Variants in FGF12 observed in about 807,000 individuals in gnomAD.
FGF12 encodes the protein fibroblast growth factor 12.
FGF12 carries 14 observed loss-of-function variants against 23.6 expected under a neutral mutation model. That is an observed-to-expected ratio of 0.59 (90% CI 0.39 to 0.93). The LOEUF (loss-of-function observed/expected upper bound fraction) is 0.93, where lower values mean the gene tolerates loss of function less well. Among genes scored for constraint, FGF12 ranks in the 40% least tolerant of loss-of-function variants. The probability of loss-of-function intolerance (pLI) is 0.00; values close to 1 mark genes in which losing one functional copy is unlikely to be tolerated. For missense variants in FGF12, 175 were observed against 217.8 expected (o/e 0.80, Z 1.24); for synonymous variants, 62 against 77.3 (o/e 0.80, Z 1.04).
chr3:192,235,672 G>A (rs905801939), intron 4 of FGF12, among the ~76,000 whole-genome samples: 8 of 152,038 alleles, frequency 5.3e-5, no homozygotes, highest in African/African-American at 9.7e-5. Context: ...AATAGTCTCC[G>A]GGGAATTTTT....
intron 4 of FGF12, among the ~76,000 whole-genome samples, chr3:192,242,420 G>T (rs1719667452): frequency 3.3e-5 from 5 of 152,024 alleles, no homozygotes; most frequent in Admixed American, 3.3e-4. Flanking sequence ...TTCCCCTTGG[G>T]GGTATCAAAA....
At position 192,514,902 on chromosome 3, in the gene FGF12, AGCCCGGGCGCCGGCAGGGG is replaced by A. The variant is rs1327410212; in HGVS notation, c.14-154383_14-154365del. The A allele has an allele frequency of 2.0e-6, 2 of 984,078 alleles. No individual in the cohort carries two copies. The highest frequency in any genetic ancestry group is 2.4e-6 in the Non-Finnish European group (2 of 829,262). 61.0% of individuals were successfully genotyped at this position (984,078 alleles called of 1,614,324 possible). A position where few individuals can be genotyped will look rare whatever the true frequency, so the allele number is the denominator to read the frequency against. ...GGAGTTTGCACATGGAGCCGGAGGG[AGCCCGGGCGCCGGCAGGGG>A]GCGGGCCGGGACGCGGAAGTGCCGG... On this transcript the variant is annotated intron_variant, in intron 2 of 5. Coordinates refer to ENST00000445105, the MANE Select transcript of FGF12 (RefSeq NM_004113.6). The surrounding 1 kb of genome is among the most constrained non-coding windows in gnomAD (Gnocchi z 4.9).
intron 2 of FGF12, among the ~76,000 whole-genome samples, chr3:192,378,707 CT>C (rs11382928): frequency 9.9e-5 from 15 of 151,728 alleles, no homozygotes; most frequent in Admixed American, 7.2e-4. Flanking sequence ...ATCAAAAGCA[CT>C]TTTTTTTAGG....
In FGF12 at chr3:192,408,391, T is replaced by A. The variant is rs1299126372; in HGVS notation, c.14-47853A>T. 1.4e-6 allele frequency: 2 copies of A among 1,418,226 alleles called. No individual in the cohort carries two copies. The highest frequency in any genetic ancestry group is 1.8e-6 in the Non-Finnish European group (2 of 1,090,708). 87.9% of individuals were successfully genotyped at this position (1,418,226 alleles called of 1,614,324 possible). ...GAAAACCCGGCGCTCACAAGGTTAGTCAAAGTCTGGGCAGTGGCGACAAAA... is the reference window on the plus strand; with the variant it reads ...GAAAACCCGGCGCTCACAAGGTTAGACAAAGTCTGGGCAGTGGCGACAAAA... On this transcript the variant is annotated intron_variant, in intron 2 of 5. Coordinates refer to ENST00000445105, the MANE Select transcript of FGF12 (RefSeq NM_004113.6). The surrounding 1 kb of genome is among the most constrained non-coding windows in gnomAD (Gnocchi z 7.3).
chr3:192,302,207 G>C (rs1471460101), intron 4 of FGF12, among the ~76,000 whole-genome samples: 4 of 152,096 alleles, frequency 2.6e-5, no homozygotes, highest in Non-Finnish European at 5.9e-5. Flanking sequence ...GTCTCCTCTG[G>C]GAGCCTTCCT....
chr3:192,581,973 A>C (rs566121704), intron 2 of FGF12, among the ~76,000 whole-genome samples: 1 of 152,208 alleles, frequency 6.6e-6, no homozygotes, highest in South Asian at 2.1e-4. Flanking sequence ...ACTCTTTGAC[A>C]ATATTTCTGC....
intron 2 of FGF12, among the ~76,000 whole-genome samples, chr3:192,694,156 A>G (rs1276774171): frequency 6.6e-6 from 1 of 152,174 alleles, no homozygotes; most frequent in African/African-American, 2.4e-5. Context: ...AAGGTGCTCA[A>G]CGTCATTACG....
At chr3:192,394,119 CCTGT>C (rs1193905777) in intron 2 of FGF12, among the ~76,000 whole-genome samples, 4 of 152,296 alleles carry the variant, frequency 2.6e-5, no homozygotes, top group East Asian at 3.9e-4. Context: ...TGGTTCCTTT[CCTGT>C]CTGTTTTTTA....
rs1018981930 is a variant in FGF12, at chr3:192,680,332, G to A, written c.13+46849C>T. On this transcript the variant is annotated intron_variant, in intron 2 of 5. Coordinates refer to ENST00000445105, the MANE Select transcript of FGF12 (RefSeq NM_004113.6). ...CTGCTGCCGAAGGAAATGGTGCAAA[G>A]GGCACAAGGGACTATGCCCAGGACA... is the stretch of plus-strand genomic sequence containing the variant. 8.5e-4 allele frequency among the ~76,000 whole-genome samples: 129 copies of A among 152,192 alleles called. 1 individual carries two copies. The highest frequency in any genetic ancestry group is 8.2e-3 in the Admixed American group (125 of 15,282).
intron 2 of FGF12, among the ~76,000 whole-genome samples, chr3:192,485,096 G>A (rs944415728): frequency 6.6e-6 from 1 of 151,082 alleles, no homozygotes; most frequent in South Asian, 2.1e-4. Context: ...AATTTTATAT[G>A]TATACACATA....
intron 2 of FGF12, among the ~76,000 whole-genome samples, chr3:192,674,013 A>G (rs1333941495): frequency 2.6e-5 from 4 of 151,132 alleles, no homozygotes; most frequent in Non-Finnish European, 5.9e-5. Context: ...TAACTCATTC[A>G]AAAGTTATTG....
Position 192,514,897 on chromosome 3 carries a change from G to C in FGF12, c.14-154359C>G, listed in dbSNP as rs1052590489. 65 of 985,034 alleles carry C rather than the reference G, an allele frequency of 6.6e-5. No homozygotes were observed. The highest frequency in any genetic ancestry group is 5.2e-4 in the Middle Eastern group (1 of 1,934). 61.0% of individuals were successfully genotyped at this position (985,034 alleles called of 1,614,324 possible). A position where few individuals can be genotyped will look rare whatever the true frequency, so the allele number is the denominator to read the frequency against. On this transcript the variant is annotated intron_variant, in intron 2 of 5. Coordinates refer to ENST00000445105, the MANE Select transcript of FGF12 (RefSeq NM_004113.6). The surrounding 1 kb of genome is among the most constrained non-coding windows in gnomAD (Gnocchi z 4.9). ...GGAGGGGAGTTTGCACATGGAGCCG[G>C]AGGGAGCCCGGGCGCCGGCAGGGGG... is the stretch of plus-strand genomic sequence containing the variant.
intron 4 of FGF12, among the ~76,000 whole-genome samples, chr3:192,313,173 T>C (rs1403575417): frequency 1.3e-5 from 2 of 152,222 alleles, no homozygotes; most frequent in African/African-American, 4.8e-5. Flanking sequence ...CATTTATTTT[T>C]TTTACATGTT....
At chr3:192,330,625 C>T (rs1480797149) in intron 4 of FGF12, among the ~76,000 whole-genome samples, 7 of 152,092 alleles carry the variant, frequency 4.6e-5, no homozygotes, top group African/African-American at 1.4e-4. Context: ...ATCGCTTGAA[C>T]CCAGGAGGTG....
chr3:192,229,467 CCTA>C (rs1718908378), intron 4 of FGF12, among the ~76,000 whole-genome samples: 2 of 151,962 alleles, frequency 1.3e-5, no homozygotes, highest in African/African-American at 4.8e-5. Flanking sequence ...AACCTCATAA[CCTA>C]CTATTGGCTA....
intron 2 of FGF12, among the ~76,000 whole-genome samples, chr3:192,566,345 G>A (rs1430267571): frequency 6.6e-6 from 1 of 151,958 alleles, no homozygotes; most frequent in East Asian, 1.9e-4. Flanking sequence ...CAAGATAAAA[G>A]AAAAATAAGA....
intron 4 of FGF12, among the ~76,000 whole-genome samples, chr3:192,204,548 T>C (rs1717544350): frequency 6.6e-6 from 1 of 152,164 alleles, no homozygotes; most frequent in Admixed American, 6.5e-5. Context: ...AGTCAGGTTG[T>C]TGCCTTTTAT....
intron 4 of FGF12, among the ~76,000 whole-genome samples, chr3:192,250,282 T>C (rs1247094596): frequency 6.6e-6 from 1 of 152,102 alleles, no homozygotes; most frequent in Non-Finnish European, 1.5e-5. Flanking sequence ...CAGTTTTGAT[T>C]AGGGGATAGC....
intron 2 of FGF12, among the ~76,000 whole-genome samples, chr3:192,496,971 AC>A: frequency 6.6e-6 from 1 of 152,260 alleles, no homozygotes; most frequent in East Asian, 1.9e-4. Context: ...TCCTTACATG[AC>A]TAAATACAGT....
Sources: gnomAD v4.1 joint callset for allele counts (sites outside exome capture counted in the v4.1 genomes callset) on GRCh38, gnomAD v4.1.1 for gene constraint, Gnocchi (gnomAD v3.1) non-coding constraint, MANE v1.5 for transcripts, NCBI Gene and HGNC (gene_info 2026-07-23, HGNC 2026-07-21) for gene names.